Variants in KCND2 observed in about 807,000 individuals in gnomAD.
KCND2 encodes the protein A-type voltage-gated potassium channel KCND2.
Under a neutral mutation model 54.4 loss-of-function variants are expected in KCND2, and 16 were observed. The observed-to-expected ratio is 0.29, with a 90% CI of 0.20 to 0.45. The LOEUF (loss-of-function observed/expected upper bound fraction) is 0.45, where lower values mean the gene tolerates loss of function less well. Ranked by LOEUF, KCND2 falls within the 20% of genes least tolerant of loss-of-function variation. KCND2 has a pLI of 1.00. For synonymous variants in KCND2, 317 were observed against 310.7 expected (o/e 1.02, Z -0.21); for missense variants, 486 against 824.2 (o/e 0.59, Z 5.02).
chr7:120,590,676 C>T (rs1011204564), intron 1 of KCND2, among the ~76,000 whole-genome samples: 1 of 152,166 alleles, frequency 6.6e-6, no homozygotes, highest in South Asian at 2.1e-4. Context: ...AAAGCCACAT[C>T]TTTTGTGAGG....
chr7:120,499,571 G>T lies in KCND2; in HGVS notation c.1115+223824G>T, dbSNP rs144955771. On this transcript the variant is annotated intron_variant, in intron 1 of 5. Transcript: ENST00000331113. ...TTCATCATGGAAATTCTTATAGGTA[G>T]CATGGAACTTTTACTCATATTTTCT... Among the ~76,000 whole-genome samples, 25 of 152,148 alleles carry T rather than the reference G, an allele frequency of 1.6e-4. No homozygotes were observed. The East Asian group carries it at 3.7e-3, about 22-fold the overall frequency.
intron 1 of KCND2, among the ~76,000 whole-genome samples, chr7:120,669,707 A>G (rs1336080505): frequency 6.6e-6 from 1 of 152,150 alleles, no homozygotes; most frequent in African/African-American, 2.4e-5. Flanking sequence ...GGTGGCTTCC[A>G]TGAATTGTGA....
chr7:120,313,121 C>G (rs141046907), intron 1 of KCND2, among the ~76,000 whole-genome samples: 65 of 152,254 alleles, frequency 4.3e-4, no homozygotes, highest in African/African-American at 1.5e-3. Flanking sequence ...ATTGTCTGCT[C>G]TATTTCACAC....
At chr7:120,553,398 A>C (rs1431777911) in intron 1 of KCND2, among the ~76,000 whole-genome samples, 1 of 152,236 alleles carries the variant, frequency 6.6e-6, no homozygotes, top group Admixed American at 6.5e-5. Context: ...AAAGAGACAA[A>C]TAATCACATT....
Position 120,732,771 on chromosome 7 carries a change from A to G in KCND2, c.1116-132A>G, listed in dbSNP as rs530283159. 2.8e-5 allele frequency: 19 copies of G among 681,040 alleles called. 1 individual carries two copies. The highest frequency in any genetic ancestry group is 2.2e-4 in the African/African-American group (12 of 55,402). The allele number at this position is 681,040 out of a possible 1,614,324, so 42.2% of individuals were successfully genotyped here. Reference sequence around the variant, plus strand: ...CTGACATTAAAGTCTGAAGCCATATATATTATAGTCACAAAGTAGAAATAG... The same window carrying G: ...CTGACATTAAAGTCTGAAGCCATATGTATTATAGTCACAAAGTAGAAATAG... On this transcript the variant is annotated intron_variant, in intron 1 of 5. Transcript: ENST00000331113.
intron 1 of KCND2, among the ~76,000 whole-genome samples, chr7:120,445,659 A>G (rs878983611): frequency 1.3e-5 from 2 of 152,184 alleles, no homozygotes; most frequent in Admixed American, 1.3e-4. Flanking sequence ...TATTTTTAAC[A>G]TGATAGAGAT....
intron 1 of KCND2, among the ~76,000 whole-genome samples, chr7:120,590,738 T>TTA (rs917048603): frequency 7.2e-5 from 11 of 151,924 alleles, no homozygotes; most frequent in Non-Finnish European, 1.6e-4. Flanking sequence ...CCTCAGAAAA[T>TTA]TATATATATA....
At chr7:120,640,017 T>G (rs1793352051) in intron 1 of KCND2, among the ~76,000 whole-genome samples, 1 of 152,184 alleles carries the variant, frequency 6.6e-6, no homozygotes, top group Non-Finnish European at 1.5e-5. Context: ...ATCCATTCTG[T>G]AGACTTATAG....
At chr7:120,689,612 G>A (rs1387089417) in intron 1 of KCND2, among the ~76,000 whole-genome samples, 1 of 152,112 alleles carries the variant, frequency 6.6e-6, no homozygotes, top group East Asian at 1.9e-4. Context: ...TAGTAATTAT[G>A]ATTTATATGA....
chr7:120,618,526 A>C (rs763012966), intron 1 of KCND2, among the ~76,000 whole-genome samples: 10 of 152,104 alleles, frequency 6.6e-5, no homozygotes, highest in Non-Finnish European at 1.5e-4. Context: ...GATGTTTTCC[A>C]ATTGTTAATA....
At chr7:120,456,330 A>G (rs1802201017) in intron 1 of KCND2, among the ~76,000 whole-genome samples, 1 of 152,240 alleles carries the variant, frequency 6.6e-6, no homozygotes, top group Non-Finnish European at 1.5e-5. Flanking sequence ...CTATGAAGTA[A>G]TGGCATCAGT....
intron 1 of KCND2, among the ~76,000 whole-genome samples, chr7:120,554,431 C>A (rs556433296): frequency 1.4e-4 from 21 of 150,860 alleles, no homozygotes; most frequent in African/African-American, 4.6e-4. Flanking sequence ...TTTTTTGAGA[C>A]GGAGTCTCTC....
intron 1 of KCND2, among the ~76,000 whole-genome samples, chr7:120,352,083 G>A (rs879458675): frequency 8.6e-5 from 13 of 151,402 alleles, no homozygotes; most frequent in Admixed American, 6.6e-5. Flanking sequence ...GACTATAGGC[G>A]TGCACCAACA....
intron 1 of KCND2, among the ~76,000 whole-genome samples, chr7:120,291,480 A>AGCAGAAACAAACAAATATGATGT (rs1419157905): frequency 1.3e-5 from 2 of 151,958 alleles, no homozygotes; most frequent in Non-Finnish European, 2.9e-5. Flanking sequence ...ACAATTGTTT[A>AGCAGAAACAAACAAATATGATGT]GCAGAAACAA....
chr7:120,492,094 T>C (rs1360828980), intron 1 of KCND2, among the ~76,000 whole-genome samples: 2 of 152,096 alleles, frequency 1.3e-5, no homozygotes, highest in African/African-American at 4.8e-5. Context: ...TTCATGGCCA[T>C]CAATCAAAAG....
chr7:120,414,425 T>C (rs1307897679), intron 1 of KCND2, among the ~76,000 whole-genome samples: 2 of 152,154 alleles, frequency 1.3e-5, no homozygotes, highest in Non-Finnish European at 2.9e-5. Context: ...TTAATTAACA[T>C]TTATTGATTA....
At chr7:120,284,771 A>C (rs1398581070) in intron 1 of KCND2, among the ~76,000 whole-genome samples, 1 of 152,168 alleles carries the variant, frequency 6.6e-6, no homozygotes, top group Non-Finnish European at 1.5e-5. Context: ...AGATCATTTG[A>C]AGTCCAGTGT....
chr7:120,272,982 A>G (rs958605788), upstream of KCND2, among the ~76,000 whole-genome samples: 1 of 151,360 alleles, frequency 6.6e-6, no homozygotes, highest in African/African-American at 2.4e-5. Flanking sequence ...CCACCAAACC[A>G]CCGCAGCCCA....
intron 1 of KCND2, among the ~76,000 whole-genome samples, chr7:120,397,167 A>G (rs1356295818): frequency 2.0e-5 from 3 of 152,074 alleles, no homozygotes; most frequent in African/African-American, 7.2e-5. Flanking sequence ...GGACCAGCCA[A>G]TATGATTGTC....
Sources: gnomAD v4.1 joint callset for allele counts (sites outside exome capture counted in the v4.1 genomes callset) on GRCh38, gnomAD v4.1.1 for gene constraint, MANE v1.5 for transcripts, NCBI Gene and HGNC (gene_info 2026-07-23, HGNC 2026-07-21) for gene names.